Variants in DMD observed in about 807,000 individuals in gnomAD.
DMD encodes the protein dystrophin.
A neutral mutation model predicts 330.1 loss-of-function variants in DMD; 63 were observed. The observed-to-expected ratio is 0.19, with a 90% CI of 0.16 to 0.24. The LOEUF is 0.24. Ranked by LOEUF, DMD falls within the 10% of genes least tolerant of loss-of-function variation. DMD has a pLI of 1.00. For synonymous variants in DMD, 1,223 were observed against 959.8 expected, an observed-to-expected ratio of 1.27 and a Z score of -5.07; for missense variants, 3,344 against 2,684.1, an observed-to-expected ratio of 1.25 and a Z score of -5.43.
intron 7 of DMD, among the ~76,000 whole-genome samples, chrX:32,734,904 G>A (rs1253362467): frequency 9.6e-6 from 1 of 104,701 alleles, no homozygotes; most frequent in Non-Finnish European, 1.9e-5. Context: ...AGTGTTGGAA[G>A]TTCTGGCCAG....
chrX:32,518,855 A>G (rs228334), intron 17 of DMD, among the ~76,000 whole-genome samples: 20,220 of 109,704 alleles, frequency 0.18, 1,441 homozygotes, highest in Middle Eastern at 0.26. Context: ...TGCCACATAG[A>G]GAAAAGAAAT....
At chrX:33,293,016 C>T (rs757941215) in intron 1 of DMD, among the ~76,000 whole-genome samples, 8 of 111,773 alleles carry the variant, frequency 7.2e-5, no homozygotes, top group Non-Finnish European at 1.3e-4. Flanking sequence ...TCAGCTATCA[C>T]TGCTTCATAG....
intron 76 of DMD, among the ~76,000 whole-genome samples, chrX:31,140,314 T>C (rs2035880660): frequency 8.9e-6 from 1 of 112,444 alleles, no homozygotes; most frequent in Non-Finnish European, 1.9e-5. Context: ...ACAAATTATT[T>C]TCTCTTTTTT....
At chrX:31,588,590 G>A (rs778080595) in intron 55 of DMD, among the ~76,000 whole-genome samples, 6 of 111,384 alleles carry the variant, frequency 5.4e-5, no homozygotes, top group Non-Finnish European at 1.1e-4. Context: ...CCTGCTGACC[G>A]ACTCTGGAAC....
intron 15 of DMD, among the ~76,000 whole-genome samples, chrX:32,572,382 C>A (rs1366684214): frequency 9.0e-6 from 1 of 111,225 alleles, no homozygotes; most frequent in African/African-American, 3.3e-5. Context: ...CTACTTACAA[C>A]CATTTTGTTT....
chrX:33,324,025 C>T (rs2054052778), intron 1 of DMD, among the ~76,000 whole-genome samples: 1 of 110,900 alleles, frequency 9.0e-6, no homozygotes, highest in African/African-American at 3.3e-5. Flanking sequence ...TTGATAATTG[C>T]CCTCATTATT....
chrX:31,441,603 T>C (rs1039362359), intron 60 of DMD, among the ~76,000 whole-genome samples: 2 of 101,676 alleles, frequency 2.0e-5, no homozygotes, highest in African/African-American at 8.3e-5. Context: ...TGTGACTAAA[T>C]TCTTTATTTT....
At chrX:31,987,275 T>G (rs1288777433) in intron 44 of DMD, among the ~76,000 whole-genome samples, 1 of 111,672 alleles carries the variant, frequency 9.0e-6, no homozygotes, top group Non-Finnish European at 1.9e-5. Flanking sequence ...ACCTCAAACA[T>G]TTACCATTTA....
intron 15 of DMD, among the ~76,000 whole-genome samples, chrX:32,569,486 G>A (rs1231621739): frequency 8.9e-6 from 1 of 111,890 alleles, no homozygotes; most frequent in Non-Finnish European, 1.9e-5. Flanking sequence ...GAATGCAGAT[G>A]ACTAGGCTCC....
intron 72 of DMD, among the ~76,000 whole-genome samples, chrX:31,173,230 C>T (rs2040182187): frequency 9.0e-6 from 1 of 110,983 alleles, no homozygotes; most frequent in Admixed American, 9.6e-5. Context: ...TCTGGTCTAG[C>T]AGTTTTCTAA....
chrX:31,972,591 A>G (rs978780589), intron 44 of DMD, among the ~76,000 whole-genome samples: 1 of 111,522 alleles, frequency 9.0e-6, no homozygotes, highest in Admixed American at 9.6e-5. Context: ...GGAGCAAGAT[A>G]AAAAAACAGA....
At chrX:32,350,920 T>C (rs2097779497) in intron 37 of DMD, among the ~76,000 whole-genome samples, 1 of 110,677 alleles carries the variant, frequency 9.0e-6, no homozygotes, top group Non-Finnish European at 1.9e-5. Context: ...TTTCATCTTC[T>C]AGTGAAGAAC....
chrX:31,531,625 T>C (rs1257682356), intron 55 of DMD, among the ~76,000 whole-genome samples: 3 of 103,677 alleles, frequency 2.9e-5, no homozygotes, highest in African/African-American at 7.2e-5. Context: ...ATGTTGTAGG[T>C]TGCCTGTTCA....
chrX:31,927,615 A>G (rs1402370808), intron 47 of DMD, among the ~76,000 whole-genome samples: 1 of 102,178 alleles, frequency 9.8e-6, no homozygotes, highest in African/African-American at 3.7e-5. Context: ...ATGTTTTGCA[A>G]TCATTAAAGG....
intron 57 of DMD, among the ~76,000 whole-genome samples, chrX:31,484,959 A>C (rs1421911786): frequency 8.9e-6 from 1 of 112,121 alleles, no homozygotes; most frequent in African/African-American, 3.2e-5. Flanking sequence ...TGAGATACAG[A>C]TAAGTTAGGG....
At chrX:31,675,221 TTC>T (rs1251844574) in intron 53 of DMD, among the ~76,000 whole-genome samples, 9 of 112,356 alleles carry the variant, frequency 8.0e-5, no homozygotes, top group Non-Finnish European at 1.5e-4. Flanking sequence ...GCCATCTGCA[TTC>T]TGTTTTTTCA....
chrX:32,161,252 G>T (rs1029523234), intron 44 of DMD, among the ~76,000 whole-genome samples: 8 of 111,733 alleles, frequency 7.2e-5, no homozygotes, highest in Non-Finnish European at 1.1e-4. Flanking sequence ...CTTTGTAGCT[G>T]CAGGAACACT....
intron 1 of DMD, among the ~76,000 whole-genome samples, chrX:33,106,421 C>T (rs1185119515): frequency 9.0e-6 from 1 of 110,827 alleles, no homozygotes; most frequent in African/African-American, 3.3e-5. Context: ...AACCCTAAAG[C>T]TATTGAAGTA....
At chrX:32,671,610 C>T (rs1354817806) in intron 9 of DMD, among the ~76,000 whole-genome samples, 2 of 111,879 alleles carry the variant, frequency 1.8e-5, no homozygotes, top group East Asian at 2.8e-4. Context: ...ATGTAAAAGT[C>T]AATAAAACTT....
Sources: gnomAD v4.1 joint callset for allele counts (sites outside exome capture counted in the v4.1 genomes callset) on GRCh38, gnomAD v4.1.1 for gene constraint, MANE v1.5 for transcripts, NCBI Gene and HGNC (gene_info 2026-07-23, HGNC 2026-07-21) for gene names.